ITPRID1: variants seen among roughly 807,000 people sequenced by gnomAD.
The protein encoded by ITPRID1 is protein ITPRID1.
A neutral mutation model predicts 95.4 loss-of-function variants in ITPRID1; 96 were observed. That is an observed-to-expected ratio of 1.01 (90% CI 0.85 to 1.19). ITPRID1 has a LOEUF of 1.19. Among genes scored for constraint, ITPRID1 ranks in the 50% most tolerant of loss-of-function variants. The pLI is 0.00. For synonymous variants in ITPRID1, 510 were observed against 453.6 expected (o/e 1.12, Z -1.58); for missense variants, 1,339 against 1,252.9 (o/e 1.07, Z -1.04).
At chr7:31,593,311 C>A (rs1346438495) in intron 10 of ITPRID1, among the ~76,000 whole-genome samples, 1 of 152,012 alleles carries the variant, frequency 6.6e-6, no homozygotes, top group Non-Finnish European at 1.5e-5. Flanking sequence ...CTCAACAAAA[C>A]AAAGACAAAA....
At chr7:31,538,747 A>T (rs1783839620) in intron 1 of ITPRID1, among the ~76,000 whole-genome samples, 1 of 152,236 alleles carries the variant, frequency 6.6e-6, no homozygotes, top group Non-Finnish European at 1.5e-5. Flanking sequence ...TGATGTTGTT[A>T]TATCCCATTA....
chr7:31,637,332 A>G (rs538029261), intron 10 of ITPRID1, among the ~76,000 whole-genome samples: 50 of 152,226 alleles, frequency 3.3e-4, no homozygotes, highest in African/African-American at 9.6e-4. Context: ...ACAATGGTTG[A>G]ACTAGTTTAC....
At chr7:31,612,189 T>A (rs1387410764) in intron 10 of ITPRID1, among the ~76,000 whole-genome samples, 3 of 152,068 alleles carry the variant, frequency 2.0e-5, no homozygotes, top group Non-Finnish European at 2.9e-5. Flanking sequence ...TAAACTCTTA[T>A]TTGGTCCTTT....
At chr7:31,625,430 T>C (rs1788359920) in intron 10 of ITPRID1, among the ~76,000 whole-genome samples, 1 of 152,088 alleles carries the variant, frequency 6.6e-6, no homozygotes, top group African/African-American at 2.4e-5. Flanking sequence ...CACCATGGAA[T>C]ACTATGCAGC....
intron 10 of ITPRID1, among the ~76,000 whole-genome samples, chr7:31,624,163 G>A (rs1415963505): frequency 6.6e-6 from 1 of 150,668 alleles, no homozygotes; most frequent in Non-Finnish European, 1.5e-5. Context: ...TCATGGGTAG[G>A]AAGAGTCAAT....
intron 10 of ITPRID1, among the ~76,000 whole-genome samples, chr7:31,632,302 G>T (rs1789077218): frequency 6.6e-6 from 1 of 152,064 alleles, no homozygotes; most frequent in Non-Finnish European, 1.5e-5. Context: ...CAATAAATTA[G>T]CCAGGCGTGG....
intron 10 of ITPRID1, among the ~76,000 whole-genome samples, chr7:31,635,279 T>A (rs1164324573): frequency 6.6e-6 from 1 of 152,210 alleles, no homozygotes; most frequent in Non-Finnish European, 1.5e-5. Context: ...GAAGGTACTC[T>A]ATAAAGAGAA....
intron 5 of ITPRID1, 164 bp downstream of exon 5, chr7:31,555,065 A>G: frequency 1.7e-6 from 1 of 591,900 alleles, no homozygotes; most frequent in Non-Finnish European, 3.0e-6. Flanking sequence ...TATGACTGCG[A>G]CAAAAATGAT....
chr7:31,529,819 T>C, intron 1 of ITPRID1: 1 of 1,535,026 alleles, frequency 6.5e-7, no homozygotes, highest in Non-Finnish European at 8.7e-7. Context: ...AACTCCTTTA[T>C]TCTGGTACAG....
chr7:31,516,772 T>C (rs1783054094), intron 1 of ITPRID1, among the ~76,000 whole-genome samples: 1 of 152,224 alleles, frequency 6.6e-6, no homozygotes, highest in East Asian at 1.9e-4. Context: ...ATGTGACTGG[T>C]ACCAGAAATG....
intron 8 of ITPRID1, among the ~76,000 whole-genome samples, chr7:31,576,076 TATGAAGTAAATATTTCACAA>T (rs1785172133): frequency 6.6e-6 from 1 of 152,202 alleles, no homozygotes; most frequent in East Asian, 1.9e-4. Context: ...TTTGAGCTGC[TATGAAGTAAATATTTCACAA>T]ATGAAATTGA....
In ITPRID1 at chr7:31,651,148, G is replaced by A. The variant is rs759070088; in HGVS notation, c.2590G>A (p.Val864Ile). 98 of 1,613,134 alleles carry A rather than the reference G, an allele frequency of 6.1e-5. 1 individual carries two copies. In the South Asian group the frequency reaches 1.0e-3, roughly 16 times the overall value. Residue 864 changes from valine to isoleucine, a missense_variant, in exon 13 of 15, where the codon GTC becomes ATC. Val to Ile is a conservative substitution (Grantham distance 29). Transcript: ENST00000615280. Reference sequence around the variant, plus strand: ...TCTTTCTCATTGTTCTCAGTGCACAGTCCATGAGATGGAAGCCATGAAGAC... The same window carrying A: ...TCTTTCTCATTGTTCTCAGTGCACAATCCATGAGATGGAAGCCATGAAGAC... ...TTVRELCSCT[V>I]HEMEAMKTIC... is the part of the protein sequence containing the mutation.
chr7:31,648,534 G>C lies in ITPRID1; in HGVS notation c.2584-2608G>C, dbSNP rs566743648. 2.0e-5 allele frequency among the ~76,000 whole-genome samples: 3 copies of C among 152,198 alleles called. 1 individual carries two copies. The highest frequency in any genetic ancestry group is 7.2e-5 in the African/African-American group (3 of 41,526). ...TCCACATCCCTCCACCATTCTCAGA[G>C]AGCAAACACTCCATCAGTTATTCCC... On this transcript the variant is annotated intron_variant, in intron 12 of 14. Transcript: ENST00000615280.
chr7:31,596,411 A>G (rs192883103), intron 10 of ITPRID1, among the ~76,000 whole-genome samples: 140 of 151,608 alleles, frequency 9.2e-4, no homozygotes, highest in African/African-American at 3.3e-3. Context: ...AAAATCTCAG[A>G]AAATTGATAC....
chr7:31,556,077 C>A (rs1334353531), intron 5 of ITPRID1, among the ~76,000 whole-genome samples: 1 of 152,074 alleles, frequency 6.6e-6, no homozygotes, highest in Non-Finnish European at 1.5e-5. Context: ...TGGTGAGAGG[C>A]CTGGCACTGG....
intron 5 of ITPRID1, among the ~76,000 whole-genome samples, chr7:31,558,334 C>T (rs372488163): frequency 2.0e-5 from 3 of 152,162 alleles, no homozygotes; most frequent in East Asian, 1.9e-4. Flanking sequence ...ATCCACATCC[C>T]TGTTAGACAA....
At chr7:31,630,381 GCAGTT>G (rs1204325255) in intron 10 of ITPRID1, among the ~76,000 whole-genome samples, 1 of 151,902 alleles carries the variant, frequency 6.6e-6, no homozygotes, top group East Asian at 1.9e-4. Flanking sequence ...AATTTATGAT[GCAGTT>G]CAAAATCAGG....
intron 9 of ITPRID1, among the ~76,000 whole-genome samples, chr7:31,579,337 A>T (rs1785311838): frequency 1.3e-5 from 2 of 152,198 alleles, no homozygotes. Flanking sequence ...CTCTCCTTTC[A>T]TCTAAATTAT....
At chr7:31,612,453 T>C (rs1220517233) in intron 10 of ITPRID1, among the ~76,000 whole-genome samples, 1 of 152,082 alleles carries the variant, frequency 6.6e-6, no homozygotes, top group Non-Finnish European at 1.5e-5. Context: ...TTTAAAATGA[T>C]ATGATAATAT....
Sources: gnomAD v4.1 joint callset for allele counts (sites outside exome capture counted in the v4.1 genomes callset) on GRCh38, gnomAD v4.1.1 for gene constraint, MANE v1.5 for transcripts, NCBI Gene and HGNC (gene_info 2026-07-23, HGNC 2026-07-21) for gene names.